KIF5A: variants seen among roughly 807,000 people sequenced by gnomAD.
KIF5A encodes kinesin family member 5A, also known as kinesin heavy chain isoform 5A.
KIF5A carries 35 observed loss-of-function variants against 141.3 expected under a neutral mutation model. The ratio of observed to expected loss-of-function variants is 0.25; its 90% CI spans 0.19 to 0.33. The LOEUF (loss-of-function observed/expected upper bound fraction) is 0.33, where lower values mean the gene tolerates loss of function less well. Ranked by LOEUF, KIF5A falls within the 10% of genes least tolerant of loss-of-function variation. The pLI, the probability that KIF5A is intolerant of heterozygous loss-of-function variation, is 1.00. For missense variants in KIF5A, 861 were observed against 1,314.3 expected (o/e 0.66, Z 5.33); for synonymous variants, 448 against 500.2 (o/e 0.90, Z 1.39).
At chr12:57,583,298 T>TA in intron 28 of KIF5A, 83 bp downstream of exon 28, 3 of 768,060 alleles carry the variant, frequency 3.9e-6, no homozygotes, top group Non-Finnish European at 6.4e-6. Context: ...TGCTGCTGCT[T>TA]CTTTTTTTTT....
intron 6 of KIF5A, 110 bp downstream of exon 6, chr12:57,565,083 T>C (rs1882021916): frequency 2.0e-6 from 2 of 980,394 alleles, no homozygotes; most frequent in East Asian, 2.5e-5. Context: ...CCTGGAGGAA[T>C]GAGATGTGCC....
At position 57,550,512 on chromosome 12, in the gene KIF5A, T is replaced by G; in HGVS notation, c.129+112T>G. 8.9e-7 allele frequency: 1 copy of G among 1,128,066 alleles called. No individual in the cohort carries two copies. Among genetic ancestry groups the G allele is most frequent in the Non-Finnish European group, 1.3e-6 (1 of 778,982 alleles). The allele number at this position is 1,128,066 out of a possible 1,614,324, so 69.9% of individuals were successfully genotyped here. On this transcript the variant is annotated intron_variant, in intron 1 of 28. Coordinates refer to ENST00000455537, the MANE Select transcript of KIF5A (RefSeq NM_004984.4). This position sits in a 1 kb window ranked among gnomAD's most constrained non-coding sequence, Gnocchi z 4.6. ...CTTTGCTCCCCCTCCCCGCCGCTCA[T>G]CCTTCATCCTCTTCCCCGCAGCCCC...
chr12:57,571,402 A>T lies in KIF5A; in HGVS notation c.1362+13A>T. The T allele has an allele frequency of 6.2e-7, 1 of 1,613,406 alleles. No individual in the cohort carries two copies. Among genetic ancestry groups the T allele is most frequent in the Non-Finnish European group, 8.5e-7 (1 of 1,179,534 alleles). On this transcript the variant is annotated intron_variant, in intron 13 of 28. Transcript: ENST00000455537. Reference sequence around the variant, plus strand: ...GGACCAGGAAGAGGTAATAGGAGGGAGGGCAGGACATGAGAGGAAAGGGGT... The same window carrying T: ...GGACCAGGAAGAGGTAATAGGAGGGTGGGCAGGACATGAGAGGAAAGGGGT...
In KIF5A at chr12:57,575,084, C is replaced by G. The variant is rs770034039; in HGVS notation, c.1717C>G (p.Pro573Ala). Reference protein sequence around the residue: ...VIVGNGEIKLPVEISGAIEEE... With the variant: ...VIVGNGEIKLAVEISGAIEEE... ...TCTCTTCCTCCTTTAATCACCTTAG[C>G]CAGTGGAGATCAGTGGGGCCATCGA... Residue 573 changes from proline (P) to alanine (A), a missense_variant and splice_region_variant, in exon 16 of 29, where the codon CCA becomes GCA. Transcript: ENST00000455537. 5 of 1,613,976 alleles carry G rather than the reference C, an allele frequency of 3.1e-6. No homozygotes were observed. In the South Asian group the frequency reaches 5.5e-5, roughly 18 times the overall value.
rs114284372 is a variant in KIF5A at position 57,576,568 on chromosome 12, A to T, written c.2198+190A>T. Among the ~76,000 whole-genome samples the T allele has an allele frequency of 5.1e-3, 779 of 152,254 alleles. 4 individuals are homozygous for T. The highest frequency in any genetic ancestry group is 0.017 in the African/African-American group (720 of 41,532). On this transcript the variant is annotated intron_variant, in intron 19 of 28. Coordinates refer to ENST00000455537, the MANE Select transcript of KIF5A (RefSeq NM_004984.4). ...AGTCCCTATCCTTGAGGGTCCCAGGATTAGAGAGGTCAGGGTTCCTGGCTC... is the reference window on the plus strand; with the variant it reads ...AGTCCCTATCCTTGAGGGTCCCAGGTTTAGAGAGGTCAGGGTTCCTGGCTC...
chr12:57,571,630 G>A (rs1402607033), intron 13 of KIF5A, among the ~76,000 whole-genome samples: 1 of 151,554 alleles, frequency 6.6e-6, no homozygotes, highest in Non-Finnish European at 1.5e-5. Context: ...AATGCAGTGG[G>A]GCAATCTCAG....
rs1297564196 is a variant in KIF5A at position 57,582,638 on chromosome 12, G to A, written c.3020+9G>A. ...GATATCAATGACAATAGGTACAACA[G>A]TCCCCACTACCCCTGGGTTCTCTGG... On this transcript the variant is annotated intron_variant, in intron 27 of 28. Transcript: ENST00000455537. The A allele has an allele frequency of 3.1e-6, 5 of 1,605,742 alleles. No homozygotes were observed. Among genetic ancestry groups the A allele is most frequent in the Middle Eastern group, 1.6e-4 (1 of 6,062 alleles).
intron 1 of KIF5A, among the ~76,000 whole-genome samples, chr12:57,557,569 A>T (rs1303760241): frequency 6.6e-6 from 1 of 151,694 alleles, no homozygotes; most frequent in Non-Finnish European, 1.5e-5. Flanking sequence ...TTTTTTCTAC[A>T]TATATACATA....
chr12:57,550,205 C>T lies in KIF5A; in HGVS notation c.-67C>T. 6.2e-7 allele frequency: 1 copy of T among 1,608,694 alleles called. No homozygotes were observed. Among genetic ancestry groups the T allele is most frequent in the Non-Finnish European group, 8.5e-7 (1 of 1,177,660 alleles). On this transcript the variant is annotated 5_prime_UTR_variant, in exon 1 of 29. Coordinates refer to ENST00000455537, the MANE Select transcript of KIF5A (RefSeq NM_004984.4). This position sits in a 1 kb window ranked among gnomAD's most constrained non-coding sequence, Gnocchi z 4.6. Reference sequence around the variant, plus strand: ...TCCGCCTCGGCCTCTGCTGAGAGCCCTCTCCTCTGGAGCACACACCACCCC... The same window carrying T: ...TCCGCCTCGGCCTCTGCTGAGAGCCTTCTCCTCTGGAGCACACACCACCCC...
rs1265099591 is a variant in KIF5A, at chr12:57,576,074, C to T, written c.2024-13C>T. On this transcript the variant is annotated splice_polypyrimidine_tract_variant and intron_variant, in intron 17 of 28. Transcript: ENST00000455537. ...TAGGTTTGATGTCAGCTGTCTTCCC[C>T]TCTTTCCCTTAGAAACTGTGCATGA... is the stretch of plus-strand genomic sequence containing the variant. 1.2e-6 allele frequency: 2 copies of T among 1,613,872 alleles called. No individual in the cohort carries two copies. Among genetic ancestry groups the T allele is most frequent in the Non-Finnish European group, 1.7e-6 (2 of 1,179,734 alleles).
At chr12:57,571,639 A>G (rs1371283494) in intron 13 of KIF5A, among the ~76,000 whole-genome samples, 1 of 151,006 alleles carries the variant, frequency 6.6e-6, no homozygotes, top group Non-Finnish European at 1.5e-5. Context: ...GGGCAATCTC[A>G]GCTCACTGCA....
rs560720846 is a variant in KIF5A, at chr12:57,582,529, C to T, written c.2993-73C>T. ...AGGGATTAAGATGGGAGAGGGTTTGCGCAAACTGTTTCTAACACCCAATCT... is the reference window on the plus strand; with the variant it reads ...AGGGATTAAGATGGGAGAGGGTTTGTGCAAACTGTTTCTAACACCCAATCT... On this transcript the variant is annotated intron_variant, in intron 26 of 28. Transcript: ENST00000455537. The T allele has an allele frequency of 7.6e-5, 92 of 1,210,052 alleles. No individual in the cohort carries two copies. In the South Asian group the frequency reaches 9.1e-4, roughly 12 times the overall value. The allele number at this position is 1,210,052 out of a possible 1,614,324, so 75.0% of individuals were successfully genotyped here. A position where few individuals can be genotyped will look rare whatever the true frequency, so the allele number is the denominator to read the frequency against.
chr12:57,555,117 G>A (rs1881691370), intron 1 of KIF5A, among the ~76,000 whole-genome samples: 1 of 152,140 alleles, frequency 6.6e-6, no homozygotes, highest in African/African-American at 2.4e-5. Flanking sequence ...GCAGAGGCAG[G>A]GGAGAGGAAC....
At chr12:57,579,195 T>C (rs1367676764) in intron 23 of KIF5A, among the ~76,000 whole-genome samples, 3 of 152,084 alleles carry the variant, frequency 2.0e-5, no homozygotes, top group Non-Finnish European at 4.4e-5. Context: ...GGTGGATGAC[T>C]GGGTTTCAAA....
Position 57,566,567 on chromosome 12 carries a change from C to T in KIF5A, c.502-559C>T, listed in dbSNP as rs1882071667. On this transcript the variant is annotated intron_variant, in intron 6 of 28. Transcript: ENST00000455537. ...CTGGAATTACAGGCATGTGCCACCA[C>T]GTCTGGCTAATTTTGTATTTTTAGT... Among the ~76,000 whole-genome samples, 4 of 151,472 alleles carry T rather than the reference C, an allele frequency of 2.6e-5. No individual in the cohort carries two copies. In the South Asian group the frequency reaches 8.3e-4, roughly 32 times the overall value.
rs1411643960 is a variant in KIF5A, at chr12:57,550,640, A to T, written c.129+240A>T. On this transcript the variant is annotated intron_variant, in intron 1 of 28. Coordinates refer to ENST00000455537, the MANE Select transcript of KIF5A (RefSeq NM_004984.4). This position sits in a 1 kb window ranked among gnomAD's most constrained non-coding sequence, Gnocchi z 4.6. ...TGCTTTCCTACCTTCGGGAGATCCA[A>T]CTCCCCTTTGCTGCTGTCTGCAGCG... Among the ~76,000 whole-genome samples the T allele has an allele frequency of 1.3e-5, 2 of 151,308 alleles. No homozygotes were observed. Among genetic ancestry groups the T allele is most frequent in the Non-Finnish European group, 2.9e-5 (2 of 67,828 alleles).
At chr12:57,577,659 G>C in intron 20 of KIF5A, 54 bp from the exon 21 acceptor site, 1 of 1,312,526 alleles carries the variant, frequency 7.6e-7, no homozygotes, top group Non-Finnish European at 1.1e-6. Context: ...GAAGAGGCAG[G>C]AGGAAGGAGA....
chr12:57,579,743 A>AAC (rs144691117), intron 23 of KIF5A, among the ~76,000 whole-genome samples: 2 of 152,180 alleles, frequency 1.3e-5, no homozygotes, highest in East Asian at 1.9e-4. Context: ...TGTTGCTTAG[A>AAC]ACACACACAC....
intron 2 of KIF5A, 33 bp downstream of exon 2, chr12:57,563,559 A>C: frequency 3.1e-6 from 5 of 1,606,500 alleles, no homozygotes; most frequent in Non-Finnish European, 4.3e-6. Flanking sequence ...GTCTCTTCTC[A>C]GCACCCCATT....
Sources: allele counts gnomAD v4.1 joint callset (sites outside exome capture counted in the v4.1 genomes callset), GRCh38; gene constraint gnomAD v4.1.1; non-coding constraint Gnocchi (gnomAD v3.1); transcripts MANE v1.5; gene names NCBI Gene and HGNC (gene_info 2026-07-23, HGNC 2026-07-21).